UXT: variants seen among roughly 807,000 people sequenced by gnomAD.
The protein encoded by UXT is protein UXT.
For synonymous variants in UXT, 54 were observed against 52.8 expected, an observed-to-expected ratio of 1.02 and a Z score of -0.10; for missense variants, 111 against 132.7, an observed-to-expected ratio of 0.84 and a Z score of 0.80.
intron 4 of UXT, chrX:47,654,072 TAC>T (rs772951542): frequency 2.6e-4 from 197 of 751,122 alleles, no homozygotes; most frequent in Non-Finnish European, 3.0e-4. Context: ...GGGAGAAAAA[TAC>T]AGAGTTCACC....
chrX:47,658,627 G>A (rs2058091944), intron 1 of UXT, among the ~76,000 whole-genome samples: 1 of 112,420 alleles, frequency 8.9e-6, no homozygotes, highest in Admixed American at 9.3e-5. Context: ...CGGAGGCCGC[G>A]CATGCGCTGA....
chrX:47,654,115 T>C (rs2058076397), intron 4 of UXT: 10 of 746,478 alleles, frequency 1.3e-5, no homozygotes, highest in Non-Finnish European at 1.6e-5. Context: ...AAGGGATATG[T>C]TTATTACTGC....
Position 47,657,298 on chromosome X carries a change from A to G in UXT, c.285-8T>C, listed in dbSNP as rs771235324. 8.5e-7 allele frequency: 1 copy of G among 1,178,440 alleles called. No homozygotes were observed. The highest frequency in any genetic ancestry group is 1.8e-5 in the South Asian group (1 of 54,314). The stretch of plus-strand genomic sequence containing the variant: ...ATGCGTGAAGTATCTGGGCTGAGGA[A>G]AGAGAGGTTAGAGGAAGTGGGGAGA... On this transcript the variant is annotated splice_polypyrimidine_tract_variant and splice_region_variant and intron_variant, in intron 3 of 5. Coordinates refer to ENST00000335890, the MANE Select transcript of UXT (RefSeq NM_153477.3).
At chrX:47,656,203 C>A (rs778352886) in intron 4 of UXT, among the ~76,000 whole-genome samples, 18 of 111,885 alleles carry the variant, frequency 1.6e-4, no homozygotes, top group Non-Finnish European at 3.2e-4. Context: ...CAGCAGTGCG[C>A]CTGTAGTCCC....
At position 47,657,628 on chromosome X, in the gene UXT, G is replaced by A. The variant is rs1432624928; in HGVS notation, c.228C>T (p.His76=). 2.1e-5 allele frequency: 25 copies of A among 1,210,393 alleles called. No homozygotes were observed. Among genetic ancestry groups the A allele is most frequent in the Admixed American group, 1.3e-4 (6 of 45,906 alleles). ...AATCCACCTGCATATATAACTCCGA[G>A]TGCTTAGCTTCCTGTGGGGCCAGGG... Residue 76 remains histidine, a synonymous_variant, in exon 3 of 6, where the codon CAC becomes CAT. Transcript: ENST00000335890.
intron 4 of UXT, among the ~76,000 whole-genome samples, chrX:47,655,124 A>G (rs2058079747): frequency 8.9e-6 from 1 of 111,946 alleles, no homozygotes; most frequent in Non-Finnish European, 1.9e-5. Context: ...TACTAAAAAT[A>G]CAAAAATTAG....
intron 4 of UXT, among the ~76,000 whole-genome samples, chrX:47,653,165 A>C (rs1047460305): frequency 1.8e-5 from 2 of 111,691 alleles, no homozygotes; most frequent in African/African-American, 6.5e-5. Flanking sequence ...CAGGGTCTTA[A>C]TATAATAAGG....
At position 47,658,908 on chromosome X, in the gene UXT, C is replaced by T; in HGVS notation, c.56G>A (p.Arg19Gln). 7 of 1,189,010 alleles carry T rather than the reference C, an allele frequency of 5.9e-6. No individual in the cohort carries two copies. The highest frequency in any genetic ancestry group is 7.9e-6 in the Non-Finnish European group (7 of 882,488). Reference sequence around the variant, plus strand: ...CTCCCCCGTGGCCTCCACCGCCCGCCGCTTAGGGGGCGTCGCCATGATGGG... The same window carrying T: ...CTCCCCCGTGGCCTCCACCGCCCGCTGCTTAGGGGGCGTCGCCATGATGGG... Residue 19 changes from arginine to glutamine, a missense_variant, in exon 1 of 6, where the codon CGG (arginine) becomes CAG (glutamine). Coordinates refer to ENST00000335890, the MANE Select transcript of UXT (RefSeq NM_153477.3).
chrX:47,657,383 G>T, intron 3 of UXT, 93 bp from the exon 5 acceptor site: 2 of 866,111 alleles, frequency 2.3e-6, no homozygotes, highest in African/African-American at 2.0e-5. Flanking sequence ...CCAAATTGAG[G>T]CTCTGGGAAG....
chrX:47,658,479 C>G (rs2058091166), intron 1 of UXT, among the ~76,000 whole-genome samples: 1 of 112,171 alleles, frequency 8.9e-6, no homozygotes, highest in African/African-American at 3.2e-5. Context: ...CAGAAAACTC[C>G]CCATTTCACA....
At chrX:47,653,083 G>A (rs761045723) in intron 4 of UXT, among the ~76,000 whole-genome samples, 1 of 111,730 alleles carries the variant, frequency 9.0e-6, no homozygotes, top group Non-Finnish European at 1.9e-5. Context: ...TGAGGTCAGA[G>A]TGTTAGAAAT....
intron 1 of UXT, 41 bp from the exon 3 acceptor site, chrX:47,657,904 C>T: frequency 9.6e-7 from 1 of 1,039,121 alleles, no homozygotes; most frequent in Non-Finnish European, 1.3e-6. Context: ...TAGGCAGCCC[C>T]ATTCCTCCTA....
rs767182955 is a variant in UXT, at chrX:47,658,947, G to C, written c.17C>G (p.Pro6Arg). ...CGCCATGATGGGCTCCTGGGGAGTG[G>C]GGAGGGGGAAGACCATGTTGACCGA... Residue 6 changes from proline (P) to arginine (R), a missense_variant, in exon 1 of 6, where the codon CCC becomes CGC. Coordinates refer to ENST00000335890, the MANE Select transcript of UXT (RefSeq NM_153477.3). 2.9e-5 allele frequency: 35 copies of C among 1,208,020 alleles called. No individual in the cohort carries two copies. In the South Asian group the frequency reaches 5.7e-4, roughly 20 times the overall value.
intron 2 of UXT, 45 bp from the exon 4 acceptor site, chrX:47,657,684 T>C (rs2058088097): frequency 8.4e-7 from 1 of 1,190,557 alleles, no homozygotes; most frequent in Non-Finnish European, 1.1e-6. Context: ...GGTGAACTCT[T>C]AGGTCAGGTG....
At chrX:47,654,185 G>A (rs1158011417) in intron 4 of UXT, 1 of 462,100 alleles carries the variant, frequency 2.2e-6, no homozygotes. Flanking sequence ...ATGTAAGGCA[G>A]TGTGAATAGT....
intron 4 of UXT, 26 bp downstream of exon 5, chrX:47,657,157 A>G: frequency 8.9e-7 from 1 of 1,127,294 alleles, no homozygotes; most frequent in Non-Finnish European, 1.2e-6. Flanking sequence ...GTGTTTTTAC[A>G]CACTATCCTC....
In UXT at chrX:47,657,262, G is replaced by A. The variant is rs867433328; in HGVS notation, c.313C>T (p.Leu105=). Reference sequence around the variant, plus strand: ...AACTCCAGGAAAAAACCATATCCCAGGGCCACATAGATGCGTGAAGTATCT... The same window carrying A: ...AACTCCAGGAAAAAACCATATCCCAAGGCCACATAGATGCGTGAAGTATCT... The change falls in exon 4 of 6, where the codon CTG becomes TTG. Residue 105 remains leucine (L), a synonymous_variant. Coordinates refer to ENST00000335890, the MANE Select transcript of UXT (RefSeq NM_153477.3). The A allele has an allele frequency of 4.1e-6, 5 of 1,205,380 alleles. No individual in the cohort carries two copies. The Middle Eastern group carries it at 6.9e-4, about 166-fold the overall frequency.
At position 47,658,817 on chromosome X, in the gene UXT, C is replaced by G; in HGVS notation, c.134+13G>C. ...AATGTTCCAAACGCCCCGCCCCCCGCACTGTCACTCACCGCAAGTCCCGCT... is the reference window on the plus strand; with the variant it reads ...AATGTTCCAAACGCCCCGCCCCCCGGACTGTCACTCACCGCAAGTCCCGCT... On this transcript the variant is annotated intron_variant, in intron 1 of 5. Coordinates refer to ENST00000335890, the MANE Select transcript of UXT (RefSeq NM_153477.3). 7.0e-6 allele frequency: 8 copies of G among 1,135,536 alleles called. No homozygotes were observed. The highest frequency in any genetic ancestry group is 5.8e-6 in the Non-Finnish European group (5 of 858,381). The allele number at this position is 1,135,536 out of a possible 1,213,427, so 93.6% of individuals were successfully genotyped here.
chrX:47,651,977 C>G (rs1468223650), intron 5 of UXT, 82 bp from the exon 7 acceptor site: 1 of 1,181,144 alleles, frequency 8.5e-7, no homozygotes, highest in Non-Finnish European at 1.1e-6. Context: ...CCTCCCTTGA[C>G]TCCAGTTTAG....
Sources: gnomAD v4.1 joint callset for allele counts (sites outside exome capture counted in the v4.1 genomes callset) on GRCh38, gnomAD v4.1.1 for gene constraint, MANE v1.5 for transcripts, NCBI Gene and HGNC (gene_info 2026-07-23, HGNC 2026-07-21) for gene names.